LRRC8A: variants seen among roughly 807,000 people sequenced by gnomAD.
The protein encoded by LRRC8A is leucine rich repeat containing 8 VRAC subunit A, also known as volume-regulated anion channel subunit LRRC8A.
A neutral mutation model predicts 52.5 loss-of-function variants in LRRC8A; 24 were observed. The observed-to-expected ratio is 0.46, with a 90% CI of 0.33 to 0.64. LRRC8A has a LOEUF of 0.64. LRRC8A is among the 30% of genes least tolerant of loss of function. The pLI, the probability that LRRC8A is intolerant of heterozygous loss-of-function variation, is 0.02. For synonymous variants in LRRC8A, 492 were observed against 494.2 expected (o/e 1.00, Z 0.06); for missense variants, 677 against 1,094.7 (o/e 0.62, Z 5.38).
intron 2 of LRRC8A, among the ~76,000 whole-genome samples, chr9:128,901,292 G>A (rs1035935798): frequency 6.6e-6 from 1 of 152,084 alleles, no homozygotes; most frequent in African/African-American, 2.4e-5. Context: ...GTGAAACCCC[G>A]TCTTGACTAA....
chr9:128,891,470 A>C (rs1316240075), intron 2 of LRRC8A, among the ~76,000 whole-genome samples: 1 of 152,168 alleles, frequency 6.6e-6, no homozygotes, highest in Non-Finnish European at 1.5e-5. Context: ...CTGAGGCTGG[A>C]GGATCGCTTG....
Position 128,908,832 on chromosome 9 carries a change from C to G in LRRC8A, c.1668C>G (p.Ser556Arg), listed in dbSNP as rs765200946. Residue 556 changes from serine to arginine, a missense_variant, in exon 3 of 4, where the codon AGC (serine) becomes AGG (arginine). Physicochemically the swap from Ser to Arg is moderately radical, Grantham distance 110 (BLOSUM62 -1). This residue lies in a region of LRRC8A where 422 missense variants were observed against 741.5 expected (regional missense o/e 0.57). Transcript: ENST00000372600. ...TGCTGCGGCTCAAGAGCAACCTAAG[C>G]AAGCTGCCACAGGTGGTCACAGATG... The part of the protein sequence containing the change: ...LKVLRLKSNL[S>R]KLPQVVTDVG... 3.1e-6 allele frequency: 5 copies of G among 1,613,712 alleles called. No individual in the cohort carries two copies. The highest frequency in any genetic ancestry group is 4.2e-6 in the Non-Finnish European group (5 of 1,180,036).
intron 2 of LRRC8A, among the ~76,000 whole-genome samples, chr9:128,895,477 T>C (rs1298413449): frequency 3.3e-5 from 5 of 152,240 alleles, no homozygotes; most frequent in Non-Finnish European, 7.3e-5. Context: ...GTCCTTGCTC[T>C]CTCTGCTCCC....
intron 2 of LRRC8A, among the ~76,000 whole-genome samples, chr9:128,893,228 TG>T (rs1384715475): frequency 6.6e-6 from 1 of 151,990 alleles, no homozygotes; most frequent in African/African-American, 2.4e-5. Context: ...GGGGGTCCTG[TG>T]GGTCTCTGAG....
At chr9:128,915,488 C>A (rs138032751) in intron 3 of LRRC8A, among the ~76,000 whole-genome samples, 1,780 of 152,258 alleles carry the variant, frequency 0.012, 19 homozygotes, top group South Asian at 0.045. Context: ...CCATGCCCGG[C>A]TAATTTTTTT....
intron 1 of LRRC8A, among the ~76,000 whole-genome samples, chr9:128,883,642 C>A (rs1839241084): frequency 6.6e-6 from 1 of 152,122 alleles, no homozygotes; most frequent in Non-Finnish European, 1.5e-5. Context: ...GGCATGGGGT[C>A]TGATGCCCTC....
intron 2 of LRRC8A, among the ~76,000 whole-genome samples, chr9:128,897,702 G>A (rs894553716): frequency 2.6e-5 from 4 of 151,862 alleles, no homozygotes; most frequent in East Asian, 1.9e-4. Context: ...CCTGCAGCAC[G>A]CCTGGCTAAT....
chr9:128,898,501 C>T (rs1361045237), intron 2 of LRRC8A, among the ~76,000 whole-genome samples: 1 of 152,258 alleles, frequency 6.6e-6, no homozygotes, highest in Non-Finnish European at 1.5e-5. Flanking sequence ...ACTTTTCATT[C>T]ACTCACCAGG....
At chr9:128,900,039 T>C (rs959070784) in intron 2 of LRRC8A, among the ~76,000 whole-genome samples, 3 of 152,198 alleles carry the variant, frequency 2.0e-5, no homozygotes, top group African/African-American at 7.2e-5. Context: ...CTTGTGGGTA[T>C]CTAGTCATCT....
In LRRC8A at chr9:128,907,506, T is replaced by C. The variant is rs765627985; in HGVS notation, c.342T>C (p.Tyr114=). ...HQYNYVDAVC[Y]ENRLHWFAKY... ...ACAACTACGTGGACGCTGTGTGCTA[T>C]GAGAACCGACTGCACTGGTTTGCCA... The change falls in exon 3 of 4, where the codon TAT becomes TAC. Residue 114 remains tyrosine (Y), a synonymous_variant. Transcript: ENST00000372600. This position sits in a 1 kb window ranked among gnomAD's most constrained non-coding sequence, Gnocchi z 9.3. The C allele has an allele frequency of 6.2e-7, 1 of 1,613,936 alleles. No homozygotes were observed. The highest frequency in any genetic ancestry group is 8.5e-7 in the Non-Finnish European group (1 of 1,179,852).
At chr9:128,912,506 G>GT (rs1473574474) in intron 3 of LRRC8A, among the ~76,000 whole-genome samples, 4 of 145,682 alleles carry the variant, frequency 2.7e-5, no homozygotes, top group Non-Finnish European at 4.6e-5. Flanking sequence ...TGGGGCTATG[G>GT]GGGGGGGTGT....
intron 2 of LRRC8A, among the ~76,000 whole-genome samples, chr9:128,905,960 A>G (rs1840230376): frequency 6.6e-6 from 1 of 152,212 alleles, no homozygotes; most frequent in African/African-American, 2.4e-5. Context: ...GCAACCAGAG[A>G]TGATTTTACA....
chr9:128,889,469 G>A (rs1020789204), intron 2 of LRRC8A, among the ~76,000 whole-genome samples: 1 of 150,710 alleles, frequency 6.6e-6, no homozygotes, highest in Non-Finnish European at 1.5e-5. Context: ...GACTGGGACT[G>A]GACAGGTTTT....
At chr9:128,913,656 C>T (rs1455668545) in intron 3 of LRRC8A, among the ~76,000 whole-genome samples, 1 of 152,128 alleles carries the variant, frequency 6.6e-6, no homozygotes, top group East Asian at 1.9e-4. Flanking sequence ...CATATGGACC[C>T]GAGCTCTGCC....
At chr9:128,909,414 C>A in intron 3 of LRRC8A, 93 bp downstream of exon 3, 5 of 1,223,976 alleles carry the variant, frequency 4.1e-6, no homozygotes, top group Non-Finnish European at 5.8e-6. Context: ...TGTCCTGGGA[C>A]CGTCGATGCC....
chr9:128,908,694 G>A lies in LRRC8A; in HGVS notation c.1530G>A (p.Leu510=). 3.7e-6 allele frequency: 6 copies of A among 1,613,056 alleles called. No homozygotes were observed. The highest frequency in any genetic ancestry group is 5.1e-6 in the Non-Finnish European group (6 of 1,180,026). ...IKFTDIKEIP[L]WIYSLKTLEE... ...TCACCGACATCAAGGAGATCCCGCT[G>A]TGGATCTATAGCCTGAAGACACTGG... The change falls in exon 3 of 4, where the codon CTG becomes CTA. Residue 510 remains leucine (L), a synonymous_variant. Transcript: ENST00000372600.
chr9:128,896,636 C>T lies in LRRC8A; in HGVS notation c.-9+10515C>T, dbSNP rs185206603. On this transcript the variant is annotated intron_variant, in intron 2 of 3. Coordinates refer to ENST00000372600, the MANE Select transcript of LRRC8A (RefSeq NM_019594.4). ...TGAATTGCCTATGCGTATATTTTGC[C>T]ATTTCCCCTCATTGGATTGTTTTTG... is the stretch of plus-strand genomic sequence containing the variant. Among the ~76,000 whole-genome samples the T allele has an allele frequency of 5.1e-4, 77 of 152,072 alleles. 1 individual carries two copies. The highest frequency in any genetic ancestry group is 4.6e-3 in the Admixed American group (70 of 15,266).
At chr9:128,894,350 G>C (rs1839740193) in intron 2 of LRRC8A, among the ~76,000 whole-genome samples, 1 of 151,980 alleles carries the variant, frequency 6.6e-6, no homozygotes, top group African/African-American at 2.4e-5. Flanking sequence ...CGGGCATTGT[G>C]GTGGGTGCCT....
chr9:128,885,519 G>C (rs1839358688), intron 1 of LRRC8A: 1 of 152,168 alleles, frequency 6.6e-6, no homozygotes, highest in Non-Finnish European at 1.5e-5. Context: ...GCTTCTCCTG[G>C]CTCCCCCGCA....
Sources: allele counts gnomAD v4.1 joint callset (sites outside exome capture counted in the v4.1 genomes callset), GRCh38; gene constraint gnomAD v4.1.1; regional missense constraint gnomAD v4.1.1; non-coding constraint Gnocchi (gnomAD v3.1); transcripts MANE v1.5; gene names NCBI Gene and HGNC (gene_info 2026-07-23, HGNC 2026-07-21).